The following EDARADD variants were observed in gnomAD, a reference collection of about 807,000 sequenced individuals.
EDARADD encodes the protein EDAR associated via death domain.
A neutral mutation model predicts 25.6 loss-of-function variants in EDARADD; 20 were observed. The ratio of observed to expected loss-of-function variants is 0.78; its 90% CI spans 0.55 to 1.14. The LOEUF is 1.14. Ranked by LOEUF, EDARADD falls within the 50% of genes most tolerant of loss-of-function variation. EDARADD has a pLI of 0.00. For missense variants in EDARADD, 225 were observed against 270.1 expected, an observed-to-expected ratio of 0.83 and a Z score of 1.17; for synonymous variants, 86 against 94.4, an observed-to-expected ratio of 0.91 and a Z score of 0.52.
chr1:236,358,033 G>A (rs944203860), intron 3 of EDARADD, among the ~76,000 whole-genome samples: 6 of 152,054 alleles, frequency 3.9e-5, no homozygotes, highest in East Asian at 3.9e-4. Context: ...CACCACACCC[G>A]GCTAATTTTG....
At chr1:236,369,867 G>C (rs1431342572) in intron 3 of EDARADD, among the ~76,000 whole-genome samples, 1 of 150,574 alleles carries the variant, frequency 6.6e-6, no homozygotes, top group Admixed American at 6.6e-5. Flanking sequence ...AAAAAAAATT[G>C]TTATCATATT....
chr1:236,389,159 CTGGGT>C (rs1667391416), intron 3 of EDARADD, among the ~76,000 whole-genome samples: 1 of 152,206 alleles, frequency 6.6e-6, no homozygotes, highest in African/African-American at 2.4e-5. Context: ...GGAAATGGTG[CTGGGT>C]GTGGGAGCAC....
chr1:236,393,885 A>G (rs1667466076), upstream of EDARADD, among the ~76,000 whole-genome samples: 1 of 152,188 alleles, frequency 6.6e-6, no homozygotes, highest in Non-Finnish European at 1.5e-5. Context: ...TATAGTTCGC[A>G]AAGCACATGG....
At chr1:236,425,427 A>C (rs1370112668) in intron 3 of EDARADD, among the ~76,000 whole-genome samples, 1 of 152,052 alleles carries the variant, frequency 6.6e-6, no homozygotes. Context: ...GCACCAGGGA[A>C]ACTCCCCTGG....
chr1:236,398,963 A>G lies in EDARADD; in HGVS notation c.61+4458A>G, dbSNP rs1316141366. Among the ~76,000 whole-genome samples the G allele has an allele frequency of 6.6e-6, 1 of 152,214 alleles. No homozygotes were observed. Among genetic ancestry groups the G allele is most frequent in the Admixed American group, 6.5e-5 (1 of 15,284 alleles). On this transcript the variant is annotated intron_variant, in intron 1 of 5. Transcript: ENST00000334232. This position sits in a 1 kb window ranked among gnomAD's most constrained non-coding sequence, Gnocchi z 4.1. ...GTAAGCCCTGGGCAAATACCACCTC[A>G]GTGAATGAAGGAAGGTTATAAAATT...
Position 236,470,578 on chromosome 1 carries a change from G to C in EDARADD, c.265+2302G>C, listed in dbSNP as rs544578583. On this transcript the variant is annotated intron_variant, in intron 5 of 5. Coordinates refer to ENST00000334232, the MANE Select transcript of EDARADD (RefSeq NM_145861.4). ...AAACATTTTTTACTTGTGTCAAAAT[G>C]AACCACCAGAGTGTGGGTTTTTTTG... 6.8e-4 allele frequency among the ~76,000 whole-genome samples: 103 copies of C among 152,254 alleles called. 3 individuals carry two copies. The highest frequency in any genetic ancestry group is 6.2e-4 in the South Asian group (3 of 4,820).
intron 4 of EDARADD, among the ~76,000 whole-genome samples, chr1:236,453,032 C>G (rs977960832): frequency 1.3e-5 from 2 of 152,198 alleles, no homozygotes; most frequent in African/African-American, 4.8e-5. Flanking sequence ...TTGTATCTTT[C>G]CTACAACTAC....
At chr1:236,369,759 A>G (rs1373128051) in intron 3 of EDARADD, among the ~76,000 whole-genome samples, 1 of 152,076 alleles carries the variant, frequency 6.6e-6, no homozygotes, top group African/African-American at 2.4e-5. Context: ...AACTGCTTGA[A>G]CCTGGGAGGT....
At chr1:236,442,147 A>G (rs1273826318) in intron 4 of EDARADD, among the ~76,000 whole-genome samples, 1 of 150,848 alleles carries the variant, frequency 6.6e-6, no homozygotes, top group Non-Finnish European at 1.5e-5. Context: ...TTTTTTTGAA[A>G]CCGTGTCTCA....
intron 1 of EDARADD, among the ~76,000 whole-genome samples, chr1:236,348,520 A>G (rs1181015973): frequency 2.6e-5 from 4 of 152,222 alleles, no homozygotes; most frequent in Admixed American, 1.3e-4. Context: ...CAGCCTCTAA[A>G]TGTAGCATTT....
At chr1:236,437,583 G>A (rs910855845) in intron 4 of EDARADD, among the ~76,000 whole-genome samples, 14 of 152,094 alleles carry the variant, frequency 9.2e-5, no homozygotes, top group African/African-American at 3.4e-4. Context: ...GTGGCAGGGA[G>A]AAGGAAGAGG....
At chr1:236,366,685 T>C (rs1667114805) in intron 3 of EDARADD, among the ~76,000 whole-genome samples, 1 of 152,160 alleles carries the variant, frequency 6.6e-6, no homozygotes, top group Non-Finnish European at 1.5e-5. Flanking sequence ...CTTTCCTGCA[T>C]CTTGGCCTGG....
chr1:236,358,071 A>G (rs1667002743), intron 3 of EDARADD, among the ~76,000 whole-genome samples: 1 of 152,102 alleles, frequency 6.6e-6, no homozygotes, highest in Non-Finnish European at 1.5e-5. Flanking sequence ...GGGTTTTGCC[A>G]TGTTGGCCAG....
intron 3 of EDARADD, among the ~76,000 whole-genome samples, chr1:236,367,075 C>A (rs1667118903): frequency 8.4e-6 from 1 of 118,408 alleles, no homozygotes; most frequent in East Asian, 2.6e-4. Context: ...CAGAGTGAGA[C>A]TCCATCGCCA....
intron 3 of EDARADD, among the ~76,000 whole-genome samples, chr1:236,378,568 AT>A (rs1462006919): frequency 6.6e-6 from 1 of 152,074 alleles, no homozygotes; most frequent in African/African-American, 2.4e-5. Flanking sequence ...AGAGTGTTAG[AT>A]TTTTCAGTGT....
chr1:236,443,322 A>C (rs977144525), intron 4 of EDARADD, among the ~76,000 whole-genome samples: 2 of 152,224 alleles, frequency 1.3e-5, no homozygotes, highest in African/African-American at 4.8e-5. Context: ...TAAGAAATAC[A>C]TTTGGTAAGA....
intron 4 of EDARADD, among the ~76,000 whole-genome samples, chr1:236,446,697 G>A (rs1462645571): frequency 6.6e-6 from 1 of 152,138 alleles, no homozygotes; most frequent in African/African-American, 2.4e-5. Context: ...TAAATTTTTG[G>A]TTTTGAGTAT....
intron 5 of EDARADD, 113 bp from the exon 6 acceptor site, chr1:236,482,154 T>C: frequency 8.6e-7 from 1 of 1,157,232 alleles, no homozygotes; most frequent in Middle Eastern, 2.7e-4. Context: ...CATTCTGAAA[T>C]AGTCTTCCAT....
intron 3 of EDARADD, among the ~76,000 whole-genome samples, chr1:236,416,974 C>T (rs574650151): frequency 9.9e-5 from 15 of 151,968 alleles, no homozygotes; most frequent in Non-Finnish European, 8.8e-5. Context: ...ATTAGCTGGG[C>T]GTGGTGACAT....
Sources: allele counts gnomAD v4.1 joint callset (sites outside exome capture counted in the v4.1 genomes callset), GRCh38; gene constraint gnomAD v4.1.1; non-coding constraint Gnocchi (gnomAD v3.1); transcripts MANE v1.5; gene names NCBI Gene and HGNC (gene_info 2026-07-23, HGNC 2026-07-21).